Variants in TRAPPC9 observed in about 807,000 individuals in gnomAD.
TRAPPC9 encodes the protein IKK2 binding protein.
A neutral mutation model predicts 124.0 loss-of-function variants in TRAPPC9; 83 were observed. That is an observed-to-expected ratio of 0.67 (90% CI 0.56 to 0.80). The LOEUF is 0.80. Ranked by LOEUF, TRAPPC9 falls within the 30% of genes least tolerant of loss-of-function variation. The pLI, the probability that TRAPPC9 is intolerant of heterozygous loss-of-function variation, is 0.00. For synonymous variants in TRAPPC9, 638 were observed against 617.5 expected (o/e 1.03, Z -0.49); for missense variants, 1,302 against 1,508.3 (o/e 0.86, Z 2.27).
intron 17 of TRAPPC9, among the ~76,000 whole-genome samples, chr8:140,217,651 A>C (rs752581520): frequency 1.3e-5 from 2 of 152,210 alleles, no homozygotes; most frequent in East Asian, 1.9e-4. Flanking sequence ...TGCCTGTGCC[A>C]GTGAATCCCT....
chr8:140,280,047 C>T (rs1260208837), intron 14 of TRAPPC9, among the ~76,000 whole-genome samples: 13 of 152,224 alleles, frequency 8.5e-5, no homozygotes, highest in Admixed American at 3.3e-4. Context: ...CTCCAGCTTT[C>T]GTTGGGCGGC....
chr8:140,250,309 C>T (rs529478675), intron 16 of TRAPPC9, among the ~76,000 whole-genome samples: 4 of 152,290 alleles, frequency 2.6e-5, no homozygotes, highest in African/African-American at 4.8e-5. Flanking sequence ...TATCTATGGC[C>T]GACACTGAAT....
chr8:139,863,643 G>T (rs981772528), intron 21 of TRAPPC9, among the ~76,000 whole-genome samples: 1 of 152,200 alleles, frequency 6.6e-6, no homozygotes, highest in Non-Finnish European at 1.5e-5. Flanking sequence ...CTCAGCAGGC[G>T]TTCCCTGAAG....
At chr8:140,008,957 T>C (rs1312321905) in intron 18 of TRAPPC9, among the ~76,000 whole-genome samples, 1 of 152,192 alleles carries the variant, frequency 6.6e-6, no homozygotes, top group Non-Finnish European at 1.5e-5. Context: ...TGTGAATCTA[T>C]CATTGTTTCA....
intron 19 of TRAPPC9, among the ~76,000 whole-genome samples, chr8:139,947,155 G>A (rs565769021): frequency 6.6e-6 from 1 of 152,324 alleles, no homozygotes; most frequent in East Asian, 1.9e-4. Context: ...GCAAGACAGG[G>A]TGGTATCATT....
intron 6 of TRAPPC9, among the ~76,000 whole-genome samples, chr8:140,403,988 A>T (rs2069379731): frequency 6.6e-6 from 1 of 152,150 alleles, no homozygotes; most frequent in South Asian, 2.1e-4. Context: ...CTTTAACTCA[A>T]GTCAACTTCT....
intron 17 of TRAPPC9, among the ~76,000 whole-genome samples, chr8:140,151,945 A>G (rs182535336): frequency 1.4e-3 from 208 of 152,308 alleles, no homozygotes; most frequent in African/African-American, 4.8e-3. Flanking sequence ...CTGCTCTGGC[A>G]TTCACTTTTG....
rs1844257272 is a variant in TRAPPC9, at chr8:140,087,328, G to GA, written c.2557-63250dup. On this transcript the variant is annotated intron_variant, in intron 17 of 22. Coordinates refer to ENST00000438773, the MANE Select transcript of TRAPPC9 (RefSeq NM_001160372.4). This position sits in a 1 kb window ranked among gnomAD's most constrained non-coding sequence, Gnocchi z 4.6. The stretch of plus-strand genomic sequence containing the variant: ...CACTCTATCTCTGCAACCCCCTCAG[G>GA]AATGTCATCCAGGCCCAGGATTTTA... 6.6e-6 allele frequency among the ~76,000 whole-genome samples: 1 copy of GA among 151,952 alleles called. No homozygotes were observed. The highest frequency in any genetic ancestry group is 6.5e-5 in the Admixed American group (1 of 15,270).
intron 20 of TRAPPC9, among the ~76,000 whole-genome samples, chr8:139,903,447 C>T (rs1831145576): frequency 6.6e-6 from 1 of 152,150 alleles, no homozygotes; most frequent in South Asian, 2.1e-4. Context: ...CAGCTGGATT[C>T]TGATACCTCA....
chr8:140,270,194 G>C (rs573758833), intron 15 of TRAPPC9, among the ~76,000 whole-genome samples: 1 of 152,336 alleles, frequency 6.6e-6, no homozygotes, highest in African/African-American at 2.4e-5. Context: ...CCAAGAAGCA[G>C]AGGAAGGCCT....
intron 16 of TRAPPC9, among the ~76,000 whole-genome samples, chr8:140,247,165 C>T (rs7014855): frequency 0.062 from 9,503 of 152,212 alleles, 525 homozygotes; most frequent in African/African-American, 0.15. Context: ...CTTATGACAA[C>T]GTCTCTCTAG....
chr8:140,275,573 C>A (rs990590142), intron 15 of TRAPPC9, 85 bp downstream of exon 15: 8 of 1,466,396 alleles, frequency 5.5e-6, no homozygotes, highest in Non-Finnish European at 6.7e-6. Context: ...TTTTTAGATT[C>A]TCTGAAAACT....
intron 12 of TRAPPC9, among the ~76,000 whole-genome samples, chr8:140,288,898 TG>T (rs1049056775): frequency 6.6e-6 from 1 of 152,156 alleles, no homozygotes; most frequent in African/African-American, 2.4e-5. Context: ...TTTAGCGGGT[TG>T]GTTTTCTGCA....
intron 6 of TRAPPC9, 101 bp from the exon 7 acceptor site, chr8:140,397,846 T>C (rs2069140660): frequency 6.7e-7 from 1 of 1,482,164 alleles, no homozygotes; most frequent in Admixed American, 1.7e-5. Flanking sequence ...ACAACAGCAC[T>C]TCCCCCATCA....
At chr8:139,757,035 G>T (rs1446205855) in intron 21 of TRAPPC9, among the ~76,000 whole-genome samples, 4 of 123,168 alleles carry the variant, frequency 3.2e-5, no homozygotes, top group African/African-American at 6.2e-5. Flanking sequence ...GAGGACAGCA[G>T]GTCGCAGGAG....
At chr8:140,369,652 TA>T (rs564784232) in intron 8 of TRAPPC9, among the ~76,000 whole-genome samples, 1 of 151,948 alleles carries the variant, frequency 6.6e-6, no homozygotes, top group Non-Finnish European at 1.5e-5. Context: ...CATGACCACA[TA>T]AAAAAGATAC....
At chr8:139,997,101 TA>T (rs1838050513) in intron 18 of TRAPPC9, among the ~76,000 whole-genome samples, 1 of 152,154 alleles carries the variant, frequency 6.6e-6, no homozygotes, top group Non-Finnish European at 1.5e-5. Flanking sequence ...TGCAGAAAGC[TA>T]AAGAACAGAA....
In TRAPPC9 at chr8:140,097,395, G is replaced by C. The variant is rs2060472190; in HGVS notation, c.2557-73316C>G. ...CTGGGTTCTTGTGCCAGCCACAGTT[G>C]TGCCACAGTCCGTAGGGTAAGGACT... On this transcript the variant is annotated intron_variant, in intron 17 of 22. Transcript: ENST00000438773. This position sits in a 1 kb window ranked among gnomAD's most constrained non-coding sequence, Gnocchi z 4.2. 6.6e-6 allele frequency: 1 copy of C among 152,286 alleles called. No individual in the cohort carries two copies. Among genetic ancestry groups the C allele is most frequent in the Non-Finnish European group, 1.5e-5 (1 of 68,112 alleles). The allele number at this position is 152,286 out of a possible 1,614,324, so 9.4% of individuals were successfully genotyped here.
In TRAPPC9 at chr8:139,829,931, C is replaced by A. The variant is rs1435190983; in HGVS notation, c.3055+55948G>T. Among the ~76,000 whole-genome samples the A allele has an allele frequency of 2.6e-5, 4 of 152,332 alleles. No individual in the cohort carries two copies. In the East Asian group the frequency reaches 7.7e-4, roughly 29 times the overall value. On this transcript the variant is annotated intron_variant, in intron 21 of 22. Transcript: ENST00000438773. ...ATCCAGCCACATGTGTGTCCACAGA[C>A]CACGCACTTCCCAGGTCCTGGTACC...
Sources: allele counts gnomAD v4.1 joint callset (sites outside exome capture counted in the v4.1 genomes callset), GRCh38; gene constraint gnomAD v4.1.1; non-coding constraint Gnocchi (gnomAD v3.1); transcripts MANE v1.5; gene names NCBI Gene and HGNC (gene_info 2026-07-23, HGNC 2026-07-21).